FLYWCH1: variants seen among roughly 807,000 people sequenced by gnomAD.
FLYWCH1 encodes the protein FLYWCH-type zinc finger-containing protein 1.
Under a neutral mutation model 66.4 loss-of-function variants are expected in FLYWCH1, and 75 were observed. That is an observed-to-expected ratio of 1.13 (90% CI 0.94 to 1.37). FLYWCH1 has a LOEUF of 1.37. Among genes scored for constraint, FLYWCH1 ranks in the 40% most tolerant of loss-of-function variants. The pLI is 0.00. For synonymous variants in FLYWCH1, 595 were observed against 429.9 expected, an observed-to-expected ratio of 1.38 and a Z score of -4.75; for missense variants, 1,334 against 1,001.8, an observed-to-expected ratio of 1.33 and a Z score of -4.48.
rs759771975 is a variant in FLYWCH1 at position 2,933,889 on chromosome 16, C to T, written c.1423C>T (p.Arg475Cys). 1.1e-5 allele frequency: 18 copies of T among 1,591,448 alleles called. No homozygotes were observed. The highest frequency in any genetic ancestry group is 6.8e-5 in the South Asian group (6 of 88,160). The stretch of plus-strand genomic sequence containing the variant: ...CCAGGGCCGACGGGTGACTGTCATG[C>T]GTGGTCACTGCCACCCGCCCGACCT... ...ITQGRRVTVMRGHCHPPDLGG... is the reference protein window; with the variant it reads ...ITQGRRVTVMCGHCHPPDLGG... Residue 475 changes from arginine (R) to cysteine (C), a missense_variant, in exon 6 of 10, where the codon CGT becomes TGT. Transcript: ENST00000253928.
intron 9 of FLYWCH1, among the ~76,000 whole-genome samples, chr16:2,942,720 CTT>C (rs34247000): frequency 8.5e-5 from 7 of 82,782 alleles, no homozygotes; most frequent in African/African-American, 2.0e-4. Flanking sequence ...CATCTGGGAA[CTT>C]TTTTTTTTTT....
chr16:2,922,505 A>C, intron 2 of FLYWCH1: 2 of 236,586 alleles, frequency 8.5e-6, no homozygotes, highest in Non-Finnish European at 1.7e-5. Context: ...CCCCCATTCT[A>C]CTTTCTGTCC....
chr16:2,934,832 C>T (rs2070931084), intron 6 of FLYWCH1: 1 of 311,926 alleles, frequency 3.2e-6, no homozygotes, highest in Non-Finnish European at 6.3e-6. Flanking sequence ...AGGGTCTTGG[C>T]TGCCCTATTT....
chr16:2,950,673 G>A lies in FLYWCH1; in HGVS notation c.*1946G>A, dbSNP rs739796. 1,587 of 152,408 alleles carry A rather than the reference G, an allele frequency of 0.01. 12 individuals carry two copies. The highest frequency in any genetic ancestry group is 0.014 in the Non-Finnish European group (975 of 68,078). The allele number at this position is 152,408 out of a possible 1,614,324, so 9.4% of individuals were successfully genotyped here. A position where few individuals can be genotyped will look rare whatever the true frequency, so the allele number is the denominator to read the frequency against. ...GGGCACCCCTAAGCGGGTATGAGGCGAATCAGAGGAAGAATATCGGCTTCT... is the reference window on the plus strand; with the variant it reads ...GGGCACCCCTAAGCGGGTATGAGGCAAATCAGAGGAAGAATATCGGCTTCT... On this transcript the variant is annotated 3_prime_UTR_variant, in exon 10 of 10. Coordinates refer to ENST00000253928, the MANE Select transcript of FLYWCH1 (RefSeq NM_001308068.2).
Position 2,933,590 on chromosome 16 carries a change from G to A in FLYWCH1, c.1249+8G>A. The A allele has an allele frequency of 6.3e-7, 1 of 1,578,890 alleles. No individual in the cohort carries two copies. The highest frequency in any genetic ancestry group is 8.6e-7 in the Non-Finnish European group (1 of 1,162,272). ...ACATGGACGCAGACCCGGGTGAGCT[G>A]CCTTCCTTTGGGGCTCACCGGCCCT... On this transcript the variant is annotated splice_region_variant and intron_variant, in intron 5 of 9. Transcript: ENST00000253928.
In FLYWCH1 at chr16:2,933,265, G is replaced by A. The variant is rs2070840563; in HGVS notation, c.932G>A (p.Gly311Asp). 1.2e-6 allele frequency: 2 copies of A among 1,613,062 alleles called. No individual in the cohort carries two copies. The highest frequency in any genetic ancestry group is 8.5e-7 in the Non-Finnish European group (1 of 1,179,736). ...YWTCRDHALHGCRSRAITQGQ... is the reference protein window; with the variant it reads ...YWTCRDHALHDCRSRAITQGQ... ...ACCTGCCGGGACCACGCGCTGCACG[G>A]CTGCCGGAGCCGGGCCATCACCCAG... The change falls in exon 5 of 10, where the codon GGC becomes GAC. Residue 311 changes from glycine to aspartate, a missense_variant. Gly to Asp is a moderately conservative substitution (Grantham distance 94). Transcript: ENST00000253928.
At chr16:2,933,035 G>C in intron 4 of FLYWCH1, 95 bp from the exon 5 acceptor site, 1 of 1,114,786 alleles carries the variant, frequency 9.0e-7, no homozygotes, top group South Asian at 1.6e-5. Flanking sequence ...CCTTAAAGGA[G>C]AAAGGCTCGT....
intron 9 of FLYWCH1, among the ~76,000 whole-genome samples, chr16:2,944,372 T>C (rs1239349812): frequency 7.1e-6 from 1 of 141,530 alleles, no homozygotes; most frequent in African/African-American, 2.7e-5. Context: ...CCAGCCTGGG[T>C]GACAAGAGTG....
rs536214134 is a variant in FLYWCH1, at chr16:2,929,507, C to T, written c.-73-106C>T. 119 of 778,900 alleles carry T rather than the reference C, an allele frequency of 1.5e-4. No homozygotes were observed. The South Asian group carries it at 2.1e-3, about 13-fold the overall frequency. The allele number at this position is 778,900 out of a possible 1,614,324, so 48.2% of individuals were successfully genotyped here. ...ATCAGGCCCCCGGCCAGTCTTGGCC[C>T]CAGCGAGCAGTGAGGCAGCCCCATC... On this transcript the variant is annotated intron_variant, in intron 2 of 9. Coordinates refer to ENST00000253928, the MANE Select transcript of FLYWCH1 (RefSeq NM_001308068.2).
chr16:2,939,798 C>G (rs1159391148), intron 8 of FLYWCH1: 2 of 439,236 alleles, frequency 4.6e-6, no homozygotes, highest in East Asian at 8.0e-5. Context: ...TCTTTGATGT[C>G]TAGTTGACCC....
intron 4 of FLYWCH1, among the ~76,000 whole-genome samples, chr16:2,932,117 C>CAAAAAA (rs71158124): frequency 6.4e-5 from 7 of 109,856 alleles, no homozygotes; most frequent in South Asian, 2.9e-4. Flanking sequence ...GACTCTGTCT[C>CAAAAAA]AAAAAAAAAA....
intron 8 of FLYWCH1, among the ~76,000 whole-genome samples, 160 bp downstream of exon 8, chr16:2,938,616 T>TG (rs993347185): frequency 1.3e-5 from 2 of 149,480 alleles, no homozygotes; most frequent in African/African-American, 2.5e-5. Flanking sequence ...TGTTTTTTTT[T>TG]TTTTTTTTTT....
At chr16:2,913,704 C>T (rs1434684746) in intron 1 of FLYWCH1, among the ~76,000 whole-genome samples, 1 of 152,158 alleles carries the variant, frequency 6.6e-6, no homozygotes, top group African/African-American at 2.4e-5. Flanking sequence ...ATCTCTGCCA[C>T]CTTCAACCTC....
intron 9 of FLYWCH1, 48 bp downstream of exon 9, chr16:2,940,140 G>T (rs377446909): frequency 6.7e-6 from 6 of 889,316 alleles, no homozygotes; most frequent in African/African-American, 6.6e-5. Flanking sequence ...ACAACAAAAC[G>T]TAGTGGGCTT....
intron 9 of FLYWCH1, among the ~76,000 whole-genome samples, chr16:2,944,648 C>T (rs2071405051): frequency 6.6e-6 from 1 of 151,678 alleles, no homozygotes; most frequent in African/African-American, 2.4e-5. Context: ...CATGGTGAAA[C>T]CCCGTCTCTA....
intron 1 of FLYWCH1, among the ~76,000 whole-genome samples, chr16:2,913,535 AG>A (rs1567315021): frequency 6.6e-6 from 1 of 152,166 alleles, no homozygotes; most frequent in Non-Finnish European, 1.5e-5. Context: ...AACGTGTGGT[AG>A]GGCATGACAG....
At chr16:2,920,149 A>G (rs2070318885) in intron 2 of FLYWCH1, among the ~76,000 whole-genome samples, 1 of 152,170 alleles carries the variant, frequency 6.6e-6, no homozygotes, top group Non-Finnish European at 1.5e-5. Context: ...TTTTTAGAAT[A>G]TGATATTAGA....
rs749410391 is a variant in FLYWCH1 at position 2,937,240 on chromosome 16, C to G, written c.1633C>G (p.Arg545Gly). The G allele has an allele frequency of 6.2e-7, 1 of 1,605,944 alleles. No homozygotes were observed. Among genetic ancestry groups the G allele is most frequent in the Non-Finnish European group, 8.5e-7 (1 of 1,177,566 alleles). The change falls in exon 7 of 10, where the codon CGC (arginine) becomes GGC (glycine). Residue 545 changes from arginine (R) to glycine (G), a missense_variant. Arg to Gly is a moderately radical substitution (Grantham distance 125, BLOSUM62 -2). Transcript: ENST00000253928. ...GTATTGGACCTGCCGGGACCAGGCC[C>G]GCATGGGCTGCCGCAGCCGCGCCAT... ...KVYWTCRDQA[R>G]MGCRSRAITQ...
chr16:2,922,877 G>C (rs1217170511), intron 2 of FLYWCH1: 1 of 524,310 alleles, frequency 1.9e-6, no homozygotes, highest in Non-Finnish European at 3.8e-6. Flanking sequence ...GGCAGACTCA[G>C]TGGTCGGTGG....
Sources: gnomAD v4.1 joint callset for allele counts (sites outside exome capture counted in the v4.1 genomes callset) on GRCh38, gnomAD v4.1.1 for gene constraint, MANE v1.5 for transcripts, NCBI Gene and HGNC (gene_info 2026-07-23, HGNC 2026-07-21) for gene names.